SRBD1: variants seen among roughly 807,000 people sequenced by gnomAD.
SRBD1 encodes S1 RNA binding domain 1, also known as S1 RNA-binding domain-containing protein 1.
Under a neutral mutation model 115.3 loss-of-function variants are expected in SRBD1, and 88 were observed. That is an observed-to-expected ratio of 0.76 (90% confidence interval 0.64 to 0.91). The LOEUF is 0.91. Among genes scored for constraint, SRBD1 ranks in the 40% least tolerant of loss-of-function variants. SRBD1 has a pLI of 0.00. For missense variants in SRBD1, 1,385 were observed against 1,177.4 expected, an observed-to-expected ratio of 1.18 and a Z score of -2.58; for synonymous variants, 509 against 407.7, an observed-to-expected ratio of 1.25 and a Z score of -2.99.
intron 18 of SRBD1, among the ~76,000 whole-genome samples, chr2:45,414,298 C>A (rs1265028178): frequency 6.6e-6 from 1 of 152,058 alleles, no homozygotes; most frequent in Middle Eastern, 3.4e-3. Context: ...CTAGCAAAAA[C>A]CAATAAATCA....
intron 6 of SRBD1, among the ~76,000 whole-genome samples, chr2:45,580,751 T>C (rs1209350854): frequency 7.2e-6 from 1 of 137,940 alleles, no homozygotes; most frequent in Admixed American, 7.7e-5. Flanking sequence ...AGTGGCACGA[T>C]CTCAGCTCAC....
chr2:45,429,272 C>T (rs552775613), intron 16 of SRBD1, among the ~76,000 whole-genome samples: 2 of 152,130 alleles, frequency 1.3e-5, no homozygotes, highest in East Asian at 1.9e-4. Context: ...CAGAAAAAGA[C>T]GGACTCCTCC....
chr2:45,439,936 A>C (rs1668610061), intron 16 of SRBD1, among the ~76,000 whole-genome samples: 1 of 152,134 alleles, frequency 6.6e-6, no homozygotes, highest in Non-Finnish European at 1.5e-5. Context: ...AAAATATAGA[A>C]CACTTCTGGT....
At chr2:45,487,488 C>G (rs1670155571) in intron 15 of SRBD1, among the ~76,000 whole-genome samples, 1 of 152,124 alleles carries the variant, frequency 6.6e-6, no homozygotes, top group African/African-American at 2.4e-5. Context: ...AGATGAGAGA[C>G]TGGTCATTTG....
chr2:45,434,826 T>C (rs1246197498), intron 16 of SRBD1, among the ~76,000 whole-genome samples: 1 of 151,940 alleles, frequency 6.6e-6, no homozygotes, highest in Non-Finnish European at 1.5e-5. Context: ...AATGTGCAGG[T>C]TTGTTACACA....
At chr2:45,441,261 T>A (rs1668660853) in intron 16 of SRBD1, among the ~76,000 whole-genome samples, 1 of 152,146 alleles carries the variant, frequency 6.6e-6, no homozygotes, top group Admixed American at 6.5e-5. Context: ...GCCCAGGCAC[T>A]CCATGTGATC....
At chr2:45,600,501 C>A (rs1674058121) in intron 3 of SRBD1, among the ~76,000 whole-genome samples, 1 of 152,200 alleles carries the variant, frequency 6.6e-6, no homozygotes, top group Non-Finnish European at 1.5e-5. Context: ...CTCATTCACT[C>A]ATACAACTCA....
chr2:45,408,419 T>C (rs942098213), intron 19 of SRBD1, among the ~76,000 whole-genome samples: 4 of 152,084 alleles, frequency 2.6e-5, no homozygotes, highest in African/African-American at 7.2e-5. Flanking sequence ...AGGTCAGGAG[T>C]TGGACTGCAA....
intron 1 of SRBD1, among the ~76,000 whole-genome samples, chr2:45,609,032 C>G (rs1299155203): frequency 2.0e-5 from 3 of 152,094 alleles, no homozygotes; most frequent in African/African-American, 7.2e-5. Context: ...GTCTCGAACT[C>G]CTGGCCTCAG....
intron 10 of SRBD1, among the ~76,000 whole-genome samples, chr2:45,559,502 G>A (rs1359565389): frequency 1.3e-5 from 2 of 152,216 alleles, no homozygotes; most frequent in East Asian, 3.9e-4. Flanking sequence ...TTTTCCCAGT[G>A]TTGTTCTCAT....
chr2:45,545,820 C>T (rs1330875993), intron 14 of SRBD1, among the ~76,000 whole-genome samples: 1 of 152,214 alleles, frequency 6.6e-6, no homozygotes, highest in Non-Finnish European at 1.5e-5. Context: ...ACTCTGACTA[C>T]ACTCTTGGCA....
At chr2:45,566,845 T>C (rs564019308) in intron 9 of SRBD1, among the ~76,000 whole-genome samples, 7 of 152,210 alleles carry the variant, frequency 4.6e-5, no homozygotes, top group Middle Eastern at 6.8e-3. Context: ...TATTATATAT[T>C]AAAAATTAAA....
At chr2:45,428,645 C>G (rs1668236014) in intron 16 of SRBD1, among the ~76,000 whole-genome samples, 1 of 152,090 alleles carries the variant, frequency 6.6e-6, no homozygotes, top group African/African-American at 2.4e-5. Flanking sequence ...GTACCAGAAT[C>G]TCTGGGACAC....
chr2:45,432,050 G>GA (rs1022971740), intron 16 of SRBD1, among the ~76,000 whole-genome samples: 18 of 93,406 alleles, frequency 1.9e-4, no homozygotes, highest in Non-Finnish European at 3.4e-4. Flanking sequence ...TATTTATTGA[G>GA]ATGGTGTCTC....
At chr2:45,540,578 A>T (rs1447512615) in intron 14 of SRBD1, among the ~76,000 whole-genome samples, 1 of 152,210 alleles carries the variant, frequency 6.6e-6, no homozygotes, top group Non-Finnish European at 1.5e-5. Context: ...GTTTAAAAAA[A>T]AGTGAAAAGT....
At chr2:45,499,515 T>A (rs954137735) in intron 14 of SRBD1, among the ~76,000 whole-genome samples, 2 of 152,194 alleles carry the variant, frequency 1.3e-5, no homozygotes, top group African/African-American at 2.4e-5. Flanking sequence ...TAATCCCATT[T>A]GTCTATTTTT....
In SRBD1 at chr2:45,602,083, T is replaced by C. The variant is rs1339770950; in HGVS notation, c.81A>G (p.Leu27=). 2 of 1,609,340 alleles carry C rather than the reference T, an allele frequency of 1.2e-6. No homozygotes were observed. The highest frequency in any genetic ancestry group is 1.7e-5 in the Admixed American group (1 of 59,098). Residue 27 remains leucine, a splice_region_variant and synonymous_variant, in exon 3 of 21, where the codon TTA becomes TTG. Coordinates refer to ENST00000263736, the MANE Select transcript of SRBD1 (RefSeq NM_018079.5). The part of the protein sequence containing the change: ...LKDEFSSFSE[L]SSASEEDDKE... ...TGTCATCTTCTTCAGAGGCAGATGA[T>C]CTAGAAGTAAATCAACAGAATAATC... is the stretch of plus-strand genomic sequence containing the variant.
intron 19 of SRBD1, 61 bp from the exon 20 acceptor site, chr2:45,393,190 T>G: frequency 1.4e-6 from 2 of 1,474,240 alleles, no homozygotes; most frequent in Non-Finnish European, 1.8e-6. Flanking sequence ...GCAATCTCCT[T>G]ATACAGATCA....
intron 12 of SRBD1, chr2:45,548,899 G>A (rs1383152315): frequency 6.6e-6 from 1 of 152,226 alleles, no homozygotes. Flanking sequence ...AGACACCTAT[G>A]CATCAGCATC....
Sources: allele counts gnomAD v4.1 joint callset (sites outside exome capture counted in the v4.1 genomes callset), GRCh38; gene constraint gnomAD v4.1.1; transcripts MANE v1.5; gene names NCBI Gene and HGNC (gene_info 2026-07-23, HGNC 2026-07-21).